Variants in CPQ observed in about 807,000 individuals in gnomAD.
CPQ encodes the protein carboxypeptidase Q, also known as Ser-Met dipeptidase.
CPQ carries 37 observed loss-of-function variants against 45.7 expected under a neutral mutation model. That is an observed-to-expected ratio of 0.81 (90% CI 0.62 to 1.07). The LOEUF is 1.07. Among genes scored for constraint, CPQ ranks in the 50% least tolerant of loss-of-function variants. The pLI is 0.00. For missense variants in CPQ, 537 were observed against 572.9 expected, an observed-to-expected ratio of 0.94 and a Z score of 0.64; for synonymous variants, 186 against 205.8, an observed-to-expected ratio of 0.90 and a Z score of 0.82.
intron 7 of CPQ, among the ~76,000 whole-genome samples, chr8:97,084,812 C>CTGTG (rs140213784): frequency 0.066 from 9,917 of 150,470 alleles, 510 homozygotes; most frequent in African/African-American, 0.14. Flanking sequence ...TGTGTATACT[C>CTGTG]TGTGTGTGTG....
chr8:96,891,241 T>C (rs570458154), intron 4 of CPQ, among the ~76,000 whole-genome samples: 3 of 152,270 alleles, frequency 2.0e-5, no homozygotes, highest in South Asian at 2.1e-4. Flanking sequence ...GGCAGAAGCA[T>C]TGCGTGCAGA....
intron 7 of CPQ, among the ~76,000 whole-genome samples, chr8:97,094,616 G>A (rs927525470): frequency 1.3e-5 from 2 of 152,076 alleles, no homozygotes; most frequent in Non-Finnish European, 2.9e-5. Flanking sequence ...TTCTTATCCA[G>A]GGCTATGTTC....
At chr8:96,860,442 G>A (rs973216573) in intron 3 of CPQ, among the ~76,000 whole-genome samples, 2 of 152,122 alleles carry the variant, frequency 1.3e-5, no homozygotes, top group African/African-American at 4.8e-5. Flanking sequence ...ATAAAAATCA[G>A]TCCTTTGGAT....
chr8:96,828,313 G>A (rs1423747071), intron 2 of CPQ, among the ~76,000 whole-genome samples: 2 of 151,966 alleles, frequency 1.3e-5, no homozygotes, highest in Non-Finnish European at 2.9e-5. Flanking sequence ...CTTACCCAAA[G>A]TCCTTAATAC....
At chr8:96,966,852 A>G (rs1813575505) in intron 5 of CPQ, among the ~76,000 whole-genome samples, 1 of 152,232 alleles carries the variant, frequency 6.6e-6, no homozygotes, top group Non-Finnish European at 1.5e-5. Context: ...TGCTTTTTAT[A>G]AAGCACTTTG....
At chr8:97,089,552 T>C (rs985693802) in intron 7 of CPQ, among the ~76,000 whole-genome samples, 1 of 152,196 alleles carries the variant, frequency 6.6e-6, no homozygotes, top group Non-Finnish European at 1.5e-5. Context: ...AGCTTTGTTA[T>C]AAGAGGATCT....
intron 2 of CPQ, among the ~76,000 whole-genome samples, chr8:96,830,015 C>T (rs1253249774): frequency 6.6e-6 from 1 of 152,134 alleles, no homozygotes; most frequent in African/African-American, 2.4e-5. Context: ...AATGGACACT[C>T]AGAAAGAACT....
At position 96,784,950 on chromosome 8, in the gene CPQ, G is replaced by C; in HGVS notation, c.53G>C (p.Cys18Ser). ...FFGGVHLLSL[C>S]SGKAICKNGI... The stretch of plus-strand genomic sequence containing the variant: ...GGTGGTGTTCACCTTTTATCCCTGT[G>C]CTCTGGGAAAGCTATATGCAAGAAT... The change falls in exon 2 of 8, where the codon TGC becomes TCC. Residue 18 changes from cysteine (C) to serine (S), a missense_variant. By Grantham distance (112) the Cys-to-Ser change is moderately radical. Coordinates refer to ENST00000220763, the MANE Select transcript of CPQ (RefSeq NM_016134.4). The C allele has an allele frequency of 6.2e-7, 1 of 1,613,640 alleles. No individual in the cohort carries two copies. Among genetic ancestry groups the C allele is most frequent in the Non-Finnish European group, 8.5e-7 (1 of 1,179,708 alleles).
At chr8:96,730,892 T>TATATATATATATATATATAA (rs1809905054) in intron 1 of CPQ, among the ~76,000 whole-genome samples, 1 of 116,638 alleles carries the variant, frequency 8.6e-6, no homozygotes, top group East Asian at 2.6e-4. Flanking sequence ...TATATATATA[T>TATATATATATATATATATAA]GCATTTTTTT....
chr8:97,016,642 T>C (rs545411080), intron 5 of CPQ, among the ~76,000 whole-genome samples: 13 of 152,226 alleles, frequency 8.5e-5, no homozygotes, highest in Admixed American at 1.3e-4. Context: ...TAGAGGAACA[T>C]TGAGAAAGGG....
At chr8:96,771,582 G>A (rs1810544131) in intron 1 of CPQ, among the ~76,000 whole-genome samples, 1 of 152,106 alleles carries the variant, frequency 6.6e-6, no homozygotes, top group Admixed American at 6.6e-5. Flanking sequence ...AGGGTAGTAT[G>A]TTAGGTGCCC....
At chr8:96,793,392 T>C (rs1201491170) in intron 2 of CPQ, among the ~76,000 whole-genome samples, 3 of 151,946 alleles carry the variant, frequency 2.0e-5, no homozygotes, top group Non-Finnish European at 4.4e-5. Context: ...GAAGAGAGCT[T>C]GTGCAGGGAA....
At chr8:96,952,445 A>G (rs1813282654) in intron 4 of CPQ, among the ~76,000 whole-genome samples, 1 of 152,144 alleles carries the variant, frequency 6.6e-6, no homozygotes, top group South Asian at 2.1e-4. Flanking sequence ...GCTCTATGCA[A>G]TTAAAAAGAT....
intron 2 of CPQ, among the ~76,000 whole-genome samples, chr8:96,807,602 C>T (rs564211367): frequency 6.6e-6 from 1 of 152,280 alleles, no homozygotes; most frequent in East Asian, 1.9e-4. Context: ...ATTGTATGCA[C>T]ATTCCTTTTA....
intron 7 of CPQ, among the ~76,000 whole-genome samples, chr8:97,070,511 A>G (rs1810721702): frequency 6.6e-6 from 1 of 152,174 alleles, no homozygotes; most frequent in Admixed American, 6.6e-5. Flanking sequence ...TGAAATAATT[A>G]TTGTCTAGAC....
rs560371588 is a variant in CPQ, at chr8:96,794,687, A to G, written c.433+9357A>G. ...CGAACTTTTATGCTCTGCTTCCCTTATAAAACTGAATGCCTTTAACAGCAC... is the reference window on the plus strand; with the variant it reads ...CGAACTTTTATGCTCTGCTTCCCTTGTAAAACTGAATGCCTTTAACAGCAC... On this transcript the variant is annotated intron_variant, in intron 2 of 7. Transcript: ENST00000220763. 2.6e-5 allele frequency among the ~76,000 whole-genome samples: 4 copies of G among 152,260 alleles called. No homozygotes were observed. The East Asian group carries it at 5.8e-4, about 22-fold the overall frequency.
intron 4 of CPQ, among the ~76,000 whole-genome samples, chr8:96,899,816 AATT>A (rs1466242303): frequency 1.3e-5 from 2 of 152,168 alleles, no homozygotes; most frequent in African/African-American, 4.8e-5. Flanking sequence ...TGAAGCTGCA[AATT>A]ATTATTTAAT....
At chr8:96,982,530 A>G (rs1381399269) in intron 5 of CPQ, among the ~76,000 whole-genome samples, 1 of 152,070 alleles carries the variant, frequency 6.6e-6, no homozygotes, top group Non-Finnish European at 1.5e-5. Context: ...TTTTATAGAG[A>G]CAGGGTCTCA....
chr8:96,903,477 G>T (rs1812538636), intron 4 of CPQ, among the ~76,000 whole-genome samples: 1 of 152,156 alleles, frequency 6.6e-6, no homozygotes, highest in African/African-American at 2.4e-5. Context: ...GAGAAGGGAA[G>T]AACTCCCTGA....
Sources: gnomAD v4.1 joint callset for allele counts (sites outside exome capture counted in the v4.1 genomes callset) on GRCh38, gnomAD v4.1.1 for gene constraint, MANE v1.5 for transcripts, NCBI Gene and HGNC (gene_info 2026-07-23, HGNC 2026-07-21) for gene names.